Variants in AGBL1 observed in about 807,000 individuals in gnomAD.
AGBL1 encodes cytosolic carboxypeptidase 4.
Under a neutral mutation model 118.9 loss-of-function variants are expected in AGBL1, and 130 were observed. That is an observed-to-expected ratio of 1.09 (90% CI 0.95 to 1.26). The LOEUF (loss-of-function observed/expected upper bound fraction) is 1.26. Ranked by LOEUF, AGBL1 falls within the 50% of genes most tolerant of loss-of-function variation. The pLI is 0.00. For synonymous variants in AGBL1, 555 were observed against 478.9 expected (o/e 1.16, Z -2.08); for missense variants, 1,584 against 1,298.1 (o/e 1.22, Z -3.38).
At chr15:86,501,343 G>A (rs1450976530) in intron 18 of AGBL1, among the ~76,000 whole-genome samples, 1 of 151,436 alleles carries the variant, frequency 6.6e-6, no homozygotes, top group Non-Finnish European at 1.5e-5. Context: ...CCTAGCCTTT[G>A]ATTGGATTGT....
intron 7 of AGBL1, among the ~76,000 whole-genome samples, chr15:86,250,636 CCTGGTTT>C (rs2078800277): frequency 6.9e-6 from 1 of 145,840 alleles, no homozygotes; most frequent in Non-Finnish European, 1.5e-5. Flanking sequence ...TTGACATTCT[CCTGGTTT>C]TTGGAAAATG....
chr15:86,738,548 C>T (rs1567148953), intron 22 of AGBL1, among the ~76,000 whole-genome samples: 1 of 152,170 alleles, frequency 6.6e-6, no homozygotes. Context: ...TACAGATTTA[C>T]ATACAAAGGT....
At chr15:86,667,794 A>T (rs2085673199) in intron 21 of AGBL1, among the ~76,000 whole-genome samples, 1 of 152,060 alleles carries the variant, frequency 6.6e-6, no homozygotes, top group South Asian at 2.1e-4. Context: ...CTCTTCTAAA[A>T]TTCCTATTTA....
chr15:86,895,390 A>G (rs1350463573), intron 22 of AGBL1, among the ~76,000 whole-genome samples: 2 of 150,536 alleles, frequency 1.3e-5, no homozygotes, highest in Admixed American at 6.6e-5. Flanking sequence ...TTTATCTGAC[A>G]TGTTTAGTTT....
At chr15:86,988,127 CG>C (rs1319494192) in intron 24 of AGBL1, 1 of 1,599,890 alleles carries the variant, frequency 6.3e-7, no homozygotes, top group Non-Finnish European at 8.5e-7. Context: ...TTGCTTGGGG[CG>C]GGGATTGCTG....
Position 86,546,043 on chromosome 15 carries a change from G to C in AGBL1, c.2727G>C (p.Val909=). The part of the protein sequence containing the change: ...DFHGHSQKKN[V]FLYGCSIKET... Reference sequence around the variant, plus strand: ...ATGGCCACTCCCAAAAGAAGAATGTGTTCCTTTATGGCTGTAGCATCAAGG... The same window carrying C: ...ATGGCCACTCCCAAAAGAAGAATGTCTTCCTTTATGGCTGTAGCATCAAGG... The change falls in exon 20 of 23, where the codon GTG becomes GTC. Residue 909 remains valine (V), a synonymous_variant. Coordinates refer to ENST00000614907, the MANE Select transcript of AGBL1 (RefSeq NM_001386094.1). The C allele has an allele frequency of 6.2e-7, 1 of 1,613,306 alleles. No homozygotes were observed. The highest frequency in any genetic ancestry group is 8.5e-7 in the Non-Finnish European group (1 of 1,179,500).
intron 1 of AGBL1, among the ~76,000 whole-genome samples, chr15:86,095,463 C>G (rs1365445859): frequency 6.6e-6 from 1 of 152,018 alleles, no homozygotes; most frequent in African/African-American, 2.4e-5. Context: ...ACACTCTTAG[C>G]ACTCTGGAGA....
intron 7 of AGBL1, 105 bp downstream of exon 7, chr15:86,247,984 A>G: frequency 7.1e-7 from 1 of 1,402,946 alleles, no homozygotes; most frequent in South Asian, 1.2e-5. Context: ...GCCTCAGTCT[A>G]TTTCTTGTTG....
chr15:86,443,870 ACTC>A (rs71460205), intron 18 of AGBL1, among the ~76,000 whole-genome samples: 101,056 of 151,732 alleles, frequency 0.67, 35,535 homozygotes, highest in African/African-American at 0.88. Flanking sequence ...ACTTGGGTTG[ACTC>A]CTCTATATCT....
chr15:86,808,606 T>TTTCC (rs1187443735), intron 22 of AGBL1, among the ~76,000 whole-genome samples: 2 of 149,244 alleles, frequency 1.3e-5, no homozygotes, highest in African/African-American at 4.9e-5. Flanking sequence ...TCCTTCCTTC[T>TTTCC]TTCCTTCCTT....
At chr15:86,228,904 G>T (rs1239283316) in intron 6 of AGBL1, among the ~76,000 whole-genome samples, 1 of 152,106 alleles carries the variant, frequency 6.6e-6, no homozygotes, top group Non-Finnish European at 1.5e-5. Context: ...AAAAATCATT[G>T]CTCACTCAAG....
intron 21 of AGBL1, among the ~76,000 whole-genome samples, chr15:86,569,160 A>T (rs1405636549): frequency 6.6e-6 from 1 of 152,174 alleles, no homozygotes; most frequent in Non-Finnish European, 1.5e-5. Context: ...TGCTGGGCGC[A>T]ATGGCTCATG....
At chr15:86,153,746 A>G (rs1375463740) in intron 3 of AGBL1, among the ~76,000 whole-genome samples, 2 of 152,218 alleles carry the variant, frequency 1.3e-5, no homozygotes, top group Non-Finnish European at 2.9e-5. Flanking sequence ...TCTCTCATGT[A>G]GAGAGATGGC....
chr15:86,666,010 A>T (rs956225296), intron 21 of AGBL1, among the ~76,000 whole-genome samples: 1 of 152,140 alleles, frequency 6.6e-6, no homozygotes, highest in Non-Finnish European at 1.5e-5. Flanking sequence ...CTGTAAGGGA[A>T]AACCCTCATT....
At chr15:86,828,071 G>C (rs1484563848) in intron 22 of AGBL1, among the ~76,000 whole-genome samples, 2 of 149,840 alleles carry the variant, frequency 1.3e-5, no homozygotes, top group African/African-American at 2.5e-5. Flanking sequence ...TCCTGAATAA[G>C]CATGACTACA....
At chr15:86,341,762 A>G (rs955527493) in intron 17 of AGBL1, among the ~76,000 whole-genome samples, 3 of 152,142 alleles carry the variant, frequency 2.0e-5, no homozygotes, top group African/African-American at 7.2e-5. Flanking sequence ...CCGAACCTTG[A>G]TGAGATTTTG....
At chr15:86,387,803 C>T (rs755882555) in intron 17 of AGBL1, among the ~76,000 whole-genome samples, 15 of 152,144 alleles carry the variant, frequency 9.9e-5, no homozygotes, top group Admixed American at 5.9e-4. Flanking sequence ...CTCTGTTCCC[C>T]GCTCTGCCAA....
At chr15:86,192,329 A>G (rs2077736754) in intron 5 of AGBL1, among the ~76,000 whole-genome samples, 1 of 150,198 alleles carries the variant, frequency 6.7e-6, no homozygotes, top group African/African-American at 2.4e-5. Context: ...ATATAAATAT[A>G]TTACAGATAT....
intron 22 of AGBL1, among the ~76,000 whole-genome samples, chr15:86,723,627 C>A (rs1009658530): frequency 1.4e-4 from 22 of 151,814 alleles, no homozygotes; most frequent in Non-Finnish European, 1.8e-4. Context: ...GCACGTTGTG[C>A]ACATGTACCC....
Sources: gnomAD v4.1 joint callset for allele counts (sites outside exome capture counted in the v4.1 genomes callset) on GRCh38, gnomAD v4.1.1 for gene constraint, MANE v1.5 for transcripts, NCBI Gene and HGNC (gene_info 2026-07-23, HGNC 2026-07-21) for gene names.